The following CACNA1A variants were observed in gnomAD, a reference collection of about 807,000 sequenced individuals.
The protein encoded by CACNA1A is voltage-dependent P/Q-type calcium channel subunit alpha-1A.
CACNA1A carries 57 observed loss-of-function variants against 262.4 expected under a neutral mutation model. That is an observed-to-expected ratio of 0.22 (90% CI 0.18 to 0.27). CACNA1A has a LOEUF of 0.27. Among genes scored for constraint, CACNA1A ranks in the 10% least tolerant of loss-of-function variants. The pLI, the probability that CACNA1A is intolerant of heterozygous loss-of-function variation, is 1.00. For synonymous variants in CACNA1A, 1,431 were observed against 1,419.3 expected (o/e 1.01, Z -0.18); for missense variants, 2,526 against 3,562.8 (o/e 0.71, Z 7.41).
In CACNA1A at chr19:13,506,171, C is replaced by T; in HGVS notation, c.54G>A (p.Gly18=). Residue 18 remains glycine (G), a synonymous_variant, in exon 1 of 47, where the codon GGG becomes GGA. Coordinates refer to ENST00000360228, the MANE Select transcript of CACNA1A (RefSeq NM_001127222.2). ...TGCCCACGACCACCCCGGCGGCTGC[C>T]CCGGAGCCTCCTCCCCCGTAGCGGG... The part of the protein sequence containing the change: ...MPARYGGGGS[G]AAAGVVVGSG... The T allele has an allele frequency of 2.0e-6, 3 of 1,534,200 alleles. No individual in the cohort carries two copies. The highest frequency in any genetic ancestry group is 2.5e-5 in the South Asian group (2 of 80,670).
chr19:13,255,249 A>G lies in CACNA1A; in HGVS notation c.4601T>C (p.Ile1534Thr), dbSNP rs1004488897. 2 of 1,598,414 alleles carry G rather than the reference A, an allele frequency of 1.3e-6. No individual in the cohort carries two copies. Among genetic ancestry groups the G allele is most frequent in the African/African-American group, 2.7e-5 (2 of 74,664 alleles). ...YSLEKNERAC[I>T]DFAISAKPLT... is the part of the protein sequence containing the mutation. ...CGGCTTGGCGCTGATGGCGAAATCA[A>G]TGCAGGCCCTCTGCGGGAGAGAGGC... is the stretch of plus-strand genomic sequence containing the variant. The change falls in exon 29 of 47, where the codon ATT (isoleucine) becomes ACT (threonine). Residue 1534 changes from isoleucine (I) to threonine (T), a missense_variant. Physicochemically the swap from Ile to Thr is moderately conservative, Grantham distance 89 (BLOSUM62 -1). This residue lies in a region of CACNA1A where 137 missense variants were observed against 377.7 expected (regional missense o/e 0.36). Transcript: ENST00000360228.
At chr19:13,367,018 G>A (rs778162266) in intron 4 of CACNA1A, among the ~76,000 whole-genome samples, 2 of 143,670 alleles carry the variant, frequency 1.4e-5, no homozygotes, top group Non-Finnish European at 2.9e-5. Context: ...TAGGCAGGGC[G>A]CGGCGGCGGT....
At chr19:13,363,505 C>CAAAAAAGAAAAAAAAAAAA (rs1568572970) in intron 5 of CACNA1A, 1 of 143,404 alleles carries the variant, frequency 7.0e-6, no homozygotes, top group African/African-American at 2.7e-5. Flanking sequence ...AAAAAAAAAC[C>CAAAAAAGAAAAAAAAAAAA]AACAAACCAA....
intron 19 of CACNA1A, among the ~76,000 whole-genome samples, chr19:13,294,475 CACTGTACCT>C (rs2057617649): frequency 7.4e-6 from 1 of 135,988 alleles, no homozygotes; most frequent in Non-Finnish European, 1.5e-5. Flanking sequence ...AGGTGCATAC[CACTGTACCT>C]GGCTTTTTTT....
rs974020326 is a variant in CACNA1A, at chr19:13,210,206, G to T, written c.6339+411C>A. Among the ~76,000 whole-genome samples the T allele has an allele frequency of 3.3e-5, 5 of 152,218 alleles. No individual in the cohort carries two copies. In the East Asian group the frequency reaches 7.7e-4, roughly 23 times the overall value. On this transcript the variant is annotated intron_variant, in intron 44 of 46. Coordinates refer to ENST00000360228, the MANE Select transcript of CACNA1A (RefSeq NM_001127222.2). The stretch of plus-strand genomic sequence containing the variant: ...GGCAGAGGAGGGAAGGAGGGAGATG[G>T]GGCAGACGCCCGCCTCCCAGGGTCC...
intron 10 of CACNA1A, among the ~76,000 whole-genome samples, chr19:13,328,012 C>T (rs2058394875): frequency 6.6e-6 from 1 of 152,132 alleles, no homozygotes; most frequent in African/African-American, 2.4e-5. Context: ...AATCCTCCTG[C>T]CTTAGCTTCC....
chr19:13,320,275 A>AG (rs60301241), intron 10 of CACNA1A, among the ~76,000 whole-genome samples: 4 of 150,366 alleles, frequency 2.7e-5, no homozygotes, highest in East Asian at 2.0e-4. Context: ...AGAGAGAGAG[A>AG]AACCACAGCA....
chr19:13,382,196 A>G lies in CACNA1A; in HGVS notation c.540-10417T>C, dbSNP rs187961968. On this transcript the variant is annotated intron_variant, in intron 3 of 46. Coordinates refer to ENST00000360228, the MANE Select transcript of CACNA1A (RefSeq NM_001127222.2). ...CCAGGGATAGAGGAGGCAGGGATGA[A>G]AGAGGGAATGATTACAGCCTGGGGA... Among the ~76,000 whole-genome samples the G allele has an allele frequency of 9.2e-5, 14 of 152,274 alleles. No homozygotes were observed. In the East Asian group the frequency reaches 2.7e-3, roughly 29 times the overall value.
At chr19:13,370,206 T>C (rs1197852311) in intron 4 of CACNA1A, among the ~76,000 whole-genome samples, 2 of 151,824 alleles carry the variant, frequency 1.3e-5, no homozygotes, top group South Asian at 2.1e-4. Flanking sequence ...GTTCAAGTGA[T>C]TCTCCTGCCT....
chr19:13,491,528 G>A (rs1980881664), intron 1 of CACNA1A, among the ~76,000 whole-genome samples: 1 of 152,194 alleles, frequency 6.6e-6, no homozygotes, highest in African/African-American at 2.4e-5. Context: ...CGTCATGAAT[G>A]TGGAAAATGG....
At chr19:13,319,579 C>A (rs999887716) in intron 10 of CACNA1A, among the ~76,000 whole-genome samples, 9 of 152,172 alleles carry the variant, frequency 5.9e-5, no homozygotes, top group African/African-American at 2.2e-4. Flanking sequence ...CACTTCCTAT[C>A]AGCAAAATTC....
chr19:13,377,926 A>G (rs902663514), intron 3 of CACNA1A, among the ~76,000 whole-genome samples: 4 of 152,108 alleles, frequency 2.6e-5, no homozygotes, highest in African/African-American at 9.7e-5. Flanking sequence ...CCAAGAGTTC[A>G]AGACCAGTCT....
chr19:13,492,129 C>G (rs1481639198), intron 1 of CACNA1A, among the ~76,000 whole-genome samples: 1 of 152,162 alleles, frequency 6.6e-6, no homozygotes, highest in African/African-American at 2.4e-5. Flanking sequence ...TGAACCTAGG[C>G]AGCCAGGCTC....
chr19:13,488,659 T>TA (rs1361106275), intron 1 of CACNA1A, among the ~76,000 whole-genome samples: 3 of 152,064 alleles, frequency 2.0e-5, no homozygotes, highest in Non-Finnish European at 4.4e-5. Context: ...CTTGGCCTCT[T>TA]AAAGTGCTGG....
At chr19:13,453,136 C>A in intron 2 of CACNA1A, 121 bp from the exon 3 acceptor site, 1 of 915,518 alleles carries the variant, frequency 1.1e-6, no homozygotes, top group South Asian at 1.6e-5. Context: ...CCCTCCTGCA[C>A]TCACCACCCC....
At chr19:13,208,149 A>T (rs1600076270) in intron 46 of CACNA1A, 96 bp from the exon 47 acceptor site, 3 of 218,968 alleles carry the variant, frequency 1.4e-5, no homozygotes, top group South Asian at 1.8e-4. Flanking sequence ...GCGAAGGGAG[A>T]GGGGCCGGGA....
chr19:13,496,104 C>T (rs777175134), intron 1 of CACNA1A, among the ~76,000 whole-genome samples: 1 of 151,366 alleles, frequency 6.6e-6, no homozygotes, highest in Non-Finnish European at 1.5e-5. Flanking sequence ...AGACATCCAA[C>T]ACTAACTGCA....
At chr19:13,429,168 AC>A (rs2060457046) in intron 3 of CACNA1A, among the ~76,000 whole-genome samples, 1 of 1,844 alleles carries the variant, frequency 5.4e-4, no homozygotes, top group Non-Finnish European at 1.7e-3. Flanking sequence ...CACTGTGCGT[AC>A]ACACACACAC....
chr19:13,474,102 T>C (rs985544699), intron 1 of CACNA1A, among the ~76,000 whole-genome samples: 3 of 152,230 alleles, frequency 2.0e-5, no homozygotes, highest in African/African-American at 7.2e-5. Flanking sequence ...GCAAACTCTA[T>C]TGATTTAATC....
Sources: allele counts gnomAD v4.1 joint callset (sites outside exome capture counted in the v4.1 genomes callset), GRCh38; gene constraint gnomAD v4.1.1; regional missense constraint gnomAD v4.1.1; transcripts MANE v1.5; gene names NCBI Gene and HGNC (gene_info 2026-07-23, HGNC 2026-07-21).